TNS3: variants seen among roughly 807,000 people sequenced by gnomAD.
TNS3 encodes the protein tensin-3.
TNS3 carries 45 observed loss-of-function variants against 140.9 expected under a neutral mutation model. That is an observed-to-expected ratio of 0.32 (90% confidence interval 0.25 to 0.41). The LOEUF (loss-of-function observed/expected upper bound fraction) is 0.41, where lower values mean the gene tolerates loss of function less well. Among genes scored for constraint, TNS3 ranks in the 10% least tolerant of loss-of-function variants. The pLI, the probability that TNS3 is intolerant of heterozygous loss-of-function variation, is 1.00. For synonymous variants in TNS3, 815 were observed against 788.4 expected, an observed-to-expected ratio of 1.03 and a Z score of -0.56; for missense variants, 1,716 against 1,906.7, an observed-to-expected ratio of 0.90 and a Z score of 1.86.
At chr7:47,351,645 C>G (rs2151030316) in intron 17 of TNS3, among the ~76,000 whole-genome samples, 1 of 152,258 alleles carries the variant, frequency 6.6e-6, no homozygotes, top group South Asian at 2.1e-4. Context: ...CCAGGCGCTG[C>G]CTCCCTTTAA....
At chr7:47,548,504 G>C (rs1207900190) in intron 1 of TNS3, among the ~76,000 whole-genome samples, 3 of 152,108 alleles carry the variant, frequency 2.0e-5, no homozygotes, top group African/African-American at 7.2e-5. Flanking sequence ...AGGGACACCT[G>C]TCCCTCATTT....
At chr7:47,313,991 T>C (rs1422038036) in intron 20 of TNS3, among the ~76,000 whole-genome samples, 1 of 152,146 alleles carries the variant, frequency 6.6e-6, no homozygotes, top group Admixed American at 6.5e-5. Context: ...TCAGATTCCA[T>C]GTTTATCCCA....
intron 20 of TNS3, among the ~76,000 whole-genome samples, chr7:47,318,221 T>C (rs952467891): frequency 2.0e-5 from 3 of 152,214 alleles, no homozygotes; most frequent in African/African-American, 4.8e-5. Context: ...CTGAACACAA[T>C]GTCCCTGAAG....
At chr7:47,346,047 C>A in intron 18 of TNS3, 140 bp downstream of exon 18, 1 of 1,159,972 alleles carries the variant, frequency 8.6e-7, no homozygotes, top group Admixed American at 2.5e-5. Context: ...ATTTGTGAAA[C>A]CAGGACGGAA....
chr7:47,504,538 C>T (rs1285099401), intron 3 of TNS3, among the ~76,000 whole-genome samples: 3 of 152,254 alleles, frequency 2.0e-5, no homozygotes, highest in African/African-American at 7.2e-5. Context: ...AGACCAAAGC[C>T]TATGAGCTGA....
At chr7:47,568,422 G>A (rs776846798) in intron 1 of TNS3, among the ~76,000 whole-genome samples, 9 of 152,142 alleles carry the variant, frequency 5.9e-5, no homozygotes, top group Non-Finnish European at 8.8e-5. Context: ...AAGCTACCTC[G>A]CCCTGCATTC....
At chr7:47,297,004 T>C in intron 24 of TNS3, 78 bp downstream of exon 24, 1 of 1,535,260 alleles carries the variant, frequency 6.5e-7, no homozygotes, top group Non-Finnish European at 8.8e-7. Flanking sequence ...TCATCTTTTA[T>C]TTTATTAGCC....
chr7:47,355,379 C>T (rs926011390), intron 17 of TNS3, among the ~76,000 whole-genome samples: 35 of 152,266 alleles, frequency 2.3e-4, no homozygotes, highest in African/African-American at 8.4e-4. Context: ...GGAATCCTCA[C>T]GTGCTCTGAG....
chr7:47,287,191 G>T (rs1447591801), intron 27 of TNS3, among the ~76,000 whole-genome samples: 1 of 151,762 alleles, frequency 6.6e-6, no homozygotes, highest in Non-Finnish European at 1.5e-5. Context: ...CTGAAAAGAA[G>T]TAAGTCTTTC....
intron 17 of TNS3, among the ~76,000 whole-genome samples, chr7:47,367,450 C>T (rs1483041386): frequency 6.6e-6 from 1 of 152,212 alleles, no homozygotes; most frequent in Non-Finnish European, 1.5e-5. Context: ...GAAGATAGTG[C>T]TGCTGTAACC....
At chr7:47,307,415 G>A (rs1238848230) in intron 20 of TNS3, among the ~76,000 whole-genome samples, 3 of 152,164 alleles carry the variant, frequency 2.0e-5, no homozygotes. Context: ...TGGACACTTG[G>A]GTTGTTGCCA....
At chr7:47,365,453 A>G (rs952592705) in intron 17 of TNS3, among the ~76,000 whole-genome samples, 3 of 150,302 alleles carry the variant, frequency 2.0e-5, no homozygotes, top group Non-Finnish European at 3.0e-5. Flanking sequence ...TCAAAAAAAA[A>G]AAAAAAGTGT....
intron 3 of TNS3, among the ~76,000 whole-genome samples, chr7:47,491,627 C>T (rs116370952): frequency 0.02 from 3,097 of 152,276 alleles, 105 homozygotes; most frequent in African/African-American, 0.071. Context: ...TCCTGAAACA[C>T]GAACTCCATA....
At position 47,280,563 on chromosome 7, in the gene TNS3, C is replaced by T. The variant is rs530246211; in HGVS notation, c.4098-209G>A. 4.9e-4 allele frequency among the ~76,000 whole-genome samples: 75 copies of T among 152,320 alleles called. 2 individuals are homozygous for T. Among genetic ancestry groups the T allele is most frequent in the East Asian group, 3.9e-3 (20 of 5,176 alleles). Reference sequence around the variant, plus strand: ...GGGCAGAACAGTTGTTACCAGTAGACGGAAGCACCACACAGGCTGAAACTG... The same window carrying T: ...GGGCAGAACAGTTGTTACCAGTAGATGGAAGCACCACACAGGCTGAAACTG... On this transcript the variant is annotated intron_variant, in intron 28 of 30. Transcript: ENST00000311160.
intron 4 of TNS3, among the ~76,000 whole-genome samples, chr7:47,455,699 C>T (rs1304404988): frequency 6.6e-6 from 1 of 152,190 alleles, no homozygotes; most frequent in African/African-American, 2.4e-5. Context: ...AGAGAGAAGG[C>T]AGTGCCAGAG....
intron 1 of TNS3, among the ~76,000 whole-genome samples, chr7:47,536,848 A>G (rs1799615630): frequency 6.6e-6 from 1 of 152,184 alleles, no homozygotes; most frequent in South Asian, 2.1e-4. Flanking sequence ...GACGGGGTGC[A>G]CACACACTGA....
At chr7:47,297,269 C>A (rs1786088183) in intron 23 of TNS3, 56 bp from the exon 24 acceptor site, 1 of 1,557,994 alleles carries the variant, frequency 6.4e-7, no homozygotes, top group African/African-American at 1.4e-5. Flanking sequence ...AAGGTCTATG[C>A]CCACTCATAA....
Position 47,435,367 on chromosome 7 carries a change from G to T in TNS3, c.239C>A (p.Pro80His). The T allele has an allele frequency of 6.2e-7, 1 of 1,613,984 alleles. No individual in the cohort carries two copies. Among genetic ancestry groups the T allele is most frequent in the Non-Finnish European group, 8.5e-7 (1 of 1,180,010 alleles). The change falls in exon 8 of 31, where the codon CCC becomes CAC. Residue 80 changes from proline (P) to histidine (H), a missense_variant. Pro to His is a moderately conservative substitution (Grantham distance 77). Coordinates refer to ENST00000311160, the MANE Select transcript of TNS3 (RefSeq NM_022748.12). The part of the protein sequence containing the change: ...DVGWPELHAP[P>H]LDKMCTICKA... ...GCATATGGTACACATCTTATCCAGG[G>T]GCGGTGCGTGGAGCTCTGGCCAGCC...
chr7:47,388,202 A>AT (rs1792182881), intron 16 of TNS3, among the ~76,000 whole-genome samples: 2 of 152,166 alleles, frequency 1.3e-5, no homozygotes, highest in Admixed American at 1.3e-4. Context: ...TGTAAGAAGA[A>AT]TAAGGACCAA....
Sources: allele counts gnomAD v4.1 joint callset (sites outside exome capture counted in the v4.1 genomes callset), GRCh38; gene constraint gnomAD v4.1.1; transcripts MANE v1.5; gene names NCBI Gene and HGNC (gene_info 2026-07-23, HGNC 2026-07-21).